The following AFG1L variants were observed in gnomAD, a reference collection of about 807,000 sequenced individuals.
AFG1L encodes AFG1-like ATPase.
A neutral mutation model predicts 62.2 loss-of-function variants in AFG1L; 53 were observed. That is an observed-to-expected ratio of 0.85 (90% CI 0.68 to 1.07). AFG1L has a LOEUF of 1.07. Ranked by LOEUF, AFG1L falls within the 50% of genes least tolerant of loss-of-function variation. AFG1L has a pLI of 0.00. For synonymous variants in AFG1L, 228 were observed against 210.3 expected (o/e 1.08, Z -0.73); for missense variants, 555 against 590.5 (o/e 0.94, Z 0.62).
intron 6 of AFG1L, among the ~76,000 whole-genome samples, chr6:108,374,179 A>C (rs926464141): frequency 1.3e-5 from 2 of 151,464 alleles, no homozygotes; most frequent in African/African-American, 4.9e-5. Context: ...GTTTTAATGG[A>C]GTTATTTGTT....
At chr6:108,389,570 C>T (rs1780951527) in intron 6 of AFG1L, among the ~76,000 whole-genome samples, 1 of 152,072 alleles carries the variant, frequency 6.6e-6, no homozygotes, top group Non-Finnish European at 1.5e-5. Context: ...TAGGGCAGGC[C>T]TGGTGGTGAC....
Position 108,516,094 on chromosome 6 carries a change from C to T in AFG1L, c.1204-3603C>T, listed in dbSNP as rs562341872. Reference sequence around the variant, plus strand: ...GGTACAAGGAGGAGCTGGTACCATTCCTTCTGAAACTATTCCAATCAATAG... The same window carrying T: ...GGTACAAGGAGGAGCTGGTACCATTTCTTCTGAAACTATTCCAATCAATAG... On this transcript the variant is annotated intron_variant, in intron 11 of 12. Transcript: ENST00000368977. Among the ~76,000 whole-genome samples, 18 of 152,308 alleles carry T rather than the reference C, an allele frequency of 1.2e-4. 1 individual carries two copies. In the South Asian group the frequency reaches 3.5e-3, roughly 30 times the overall value.
At chr6:108,480,067 T>G (rs1332685434) in intron 10 of AFG1L, among the ~76,000 whole-genome samples, 1 of 152,230 alleles carries the variant, frequency 6.6e-6, no homozygotes, top group Non-Finnish European at 1.5e-5. Context: ...TGACACATTC[T>G]GCTGTTTGCA....
intron 7 of AFG1L, among the ~76,000 whole-genome samples, chr6:108,438,044 A>G (rs1771387103): frequency 6.6e-6 from 1 of 152,192 alleles, no homozygotes; most frequent in African/African-American, 2.4e-5. Context: ...AAGCAAGTGT[A>G]TGGAGGTGTG....
At chr6:108,416,118 A>G (rs184829515) in intron 7 of AFG1L, among the ~76,000 whole-genome samples, 1 of 152,268 alleles carries the variant, frequency 6.6e-6, no homozygotes, top group South Asian at 2.1e-4. Flanking sequence ...GAAGGATATG[A>G]ACAGACACTT....
chr6:108,407,099 T>C (rs1425272433), intron 7 of AFG1L, among the ~76,000 whole-genome samples: 1 of 152,116 alleles, frequency 6.6e-6, no homozygotes, highest in Non-Finnish European at 1.5e-5. Flanking sequence ...TGGCCTTCTG[T>C]GACATCACCC....
At chr6:108,421,519 G>C (rs1262035231) in intron 7 of AFG1L, among the ~76,000 whole-genome samples, 2 of 152,064 alleles carry the variant, frequency 1.3e-5, no homozygotes, top group Non-Finnish European at 2.9e-5. Context: ...AAACCCTAGT[G>C]GTGAAAATCC....
At chr6:108,477,777 CT>C (rs1773171645) in intron 10 of AFG1L, among the ~76,000 whole-genome samples, 1 of 152,060 alleles carries the variant, frequency 6.6e-6, no homozygotes, top group Non-Finnish European at 1.5e-5. Context: ...ACTGTGGCAT[CT>C]ATATTATATA....
At chr6:108,501,665 G>A (rs755204363) in intron 10 of AFG1L, among the ~76,000 whole-genome samples, 7 of 152,048 alleles carry the variant, frequency 4.6e-5, no homozygotes, top group Non-Finnish European at 8.8e-5. Context: ...TCTGTGTAGA[G>A]TGTTTTTATG....
At chr6:108,319,045 C>T (rs993159633) in intron 1 of AFG1L, among the ~76,000 whole-genome samples, 1 of 152,134 alleles carries the variant, frequency 6.6e-6, no homozygotes. Flanking sequence ...ATTTATGCCT[C>T]ATCTTCACTG....
chr6:108,442,718 T>C (rs888070829), intron 7 of AFG1L, among the ~76,000 whole-genome samples: 1 of 152,182 alleles, frequency 6.6e-6, no homozygotes, highest in African/African-American at 2.4e-5. Flanking sequence ...ATACCTATAC[T>C]AGCCACAACC....
Position 108,523,451 on chromosome 6 carries a change from C to T in AFG1L, c.*1026C>T, listed in dbSNP as rs918117497. On this transcript the variant is annotated 3_prime_UTR_variant, in exon 13 of 13. Coordinates refer to ENST00000368977, the MANE Select transcript of AFG1L (RefSeq NM_145315.5). ...CTTCTTTGAGTAAAACCTGGCTTTA[C>T]TAACTATTGTCACAAAGTGGATCTT... The T allele has an allele frequency of 9.2e-5, 14 of 152,232 alleles. No individual in the cohort carries two copies. Among genetic ancestry groups the T allele is most frequent in the African/African-American group, 2.9e-4 (12 of 41,548 alleles). 9.4% of individuals were successfully genotyped at this position (152,232 alleles called of 1,614,324 possible).
intron 11 of AFG1L, among the ~76,000 whole-genome samples, chr6:108,511,574 AG>A (rs1442312683): frequency 6.6e-6 from 1 of 152,270 alleles, no homozygotes; most frequent in Non-Finnish European, 1.5e-5. Flanking sequence ...TCTCAGTAAA[AG>A]TGAGCTATTA....
intron 2 of AFG1L, among the ~76,000 whole-genome samples, chr6:108,337,577 T>C (rs983830146): frequency 6.6e-6 from 1 of 152,200 alleles, no homozygotes; most frequent in East Asian, 1.9e-4. Flanking sequence ...CTCCTAATTT[T>C]ATTAATGAGA....
At chr6:108,373,627 A>G (rs1780112986) in intron 6 of AFG1L, among the ~76,000 whole-genome samples, 1 of 137,810 alleles carries the variant, frequency 7.3e-6, no homozygotes, top group African/African-American at 2.8e-5. Context: ...TAGCTTTGTT[A>G]CTCAGGCTGG....
chr6:108,329,778 G>A (rs962646402), intron 2 of AFG1L, among the ~76,000 whole-genome samples: 1 of 152,102 alleles, frequency 6.6e-6, no homozygotes, highest in South Asian at 2.1e-4. Flanking sequence ...GTTTTCCAGT[G>A]ATGGAAAAAC....
At chr6:108,484,858 C>A (rs1026419051) in intron 10 of AFG1L, among the ~76,000 whole-genome samples, 3 of 152,028 alleles carry the variant, frequency 2.0e-5, no homozygotes, top group South Asian at 4.2e-4. Flanking sequence ...ACTGAGGGAT[C>A]CATTTTTGCT....
intron 3 of AFG1L, among the ~76,000 whole-genome samples, chr6:108,349,250 G>A (rs564551724): frequency 1.1e-3 from 172 of 152,196 alleles, no homozygotes; most frequent in Non-Finnish European, 2.2e-3. Flanking sequence ...TTGGTAGGCC[G>A]AGGCGAGTGG....
chr6:108,473,917 T>C (rs779678087), intron 8 of AFG1L, among the ~76,000 whole-genome samples: 4 of 152,204 alleles, frequency 2.6e-5, no homozygotes, highest in Non-Finnish European at 2.9e-5. Context: ...GTGTAGGATG[T>C]GCAGATTTGT....
Sources: allele counts gnomAD v4.1 joint callset (sites outside exome capture counted in the v4.1 genomes callset), GRCh38; gene constraint gnomAD v4.1.1; transcripts MANE v1.5; gene names NCBI Gene and HGNC (gene_info 2026-07-23, HGNC 2026-07-21).